Variants in C17orf107 observed in about 807,000 individuals in gnomAD.
C17orf107 encodes chromosome 17 open reading frame 107.
C17orf107 carries 9 observed loss-of-function variants against 8.9 expected under a neutral mutation model. The ratio of observed to expected loss-of-function variants is 1.02; its 90% confidence interval spans 0.61 to 1.77. The LOEUF is 1.77. Ranked by LOEUF, C17orf107 falls within the 40% of genes most tolerant of loss-of-function variation. C17orf107 has a pLI of 0.00. For synonymous variants in C17orf107, 139 were observed against 120.3 expected, an observed-to-expected ratio of 1.16 and a Z score of -1.02; for missense variants, 281 against 249.0, an observed-to-expected ratio of 1.13 and a Z score of -0.86.
downstream of C17orf107, among the ~76,000 whole-genome samples, chr17:4,904,530 G>A (rs763353969): frequency 1.3e-5 from 2 of 152,118 alleles, no homozygotes; most frequent in Non-Finnish European, 2.9e-5. Context: ...AGGTAGGAGG[G>A]GCTGGCCTAA....
chr17:4,904,810 G>T (rs1427082915), downstream of C17orf107, among the ~76,000 whole-genome samples: 2 of 152,154 alleles, frequency 1.3e-5, no homozygotes, highest in Non-Finnish European at 2.9e-5. Flanking sequence ...TACAAGCGAG[G>T]ACACATCAAA....
Position 4,901,758 on chromosome 17 carries a change from G to A in C17orf107, c.*1225G>A. 1 of 1,205,194 alleles carries A rather than the reference G, an allele frequency of 8.3e-7. No individual in the cohort carries two copies. Among genetic ancestry groups the A allele is most frequent in the Non-Finnish European group, 1.2e-6 (1 of 831,008 alleles). 74.7% of individuals were successfully genotyped at this position (1,205,194 alleles called of 1,614,324 possible). On this transcript the variant is annotated 3_prime_UTR_variant, in exon 3 of 3. Transcript: ENST00000381365. ...CCCTTCACCCAAGCCCAGCCCGCACGCCTCTGTTCCCATCTGTACCTCCGG... is the reference window on the plus strand; with the variant it reads ...CCCTTCACCCAAGCCCAGCCCGCACACCTCTGTTCCCATCTGTACCTCCGG...
Position 4,901,562 on chromosome 17 carries a change from G to A in C17orf107, c.*1029G>A. On this transcript the variant is annotated 3_prime_UTR_variant, in exon 3 of 3. Transcript: ENST00000381365. ...CTGTGTCGATGTCGATCTTGTTGATGGTCTTGCCGTCGTTGTCTACGGCAA... is the reference window on the plus strand; with the variant it reads ...CTGTGTCGATGTCGATCTTGTTGATAGTCTTGCCGTCGTTGTCTACGGCAA... 6.2e-7 allele frequency: 1 copy of A among 1,614,144 alleles called. No individual in the cohort carries two copies. Among genetic ancestry groups the A allele is most frequent in the Non-Finnish European group, 8.5e-7 (1 of 1,180,008 alleles).
In C17orf107 at chr17:4,901,436, T is replaced by G; in HGVS notation, c.*903T>G. Reference sequence around the variant, plus strand: ...CCCAGTTGTGGAAGTCATCCTCCAGTGTCGTTGGTCCGGGGCAAGCCCACC... The same window carrying G: ...CCCAGTTGTGGAAGTCATCCTCCAGGGTCGTTGGTCCGGGGCAAGCCCACC... On this transcript the variant is annotated 3_prime_UTR_variant, in exon 3 of 3. Coordinates refer to ENST00000381365, the MANE Select transcript of C17orf107 (RefSeq NM_001145536.2). The G allele has an allele frequency of 8.3e-7, 1 of 1,209,812 alleles. No homozygotes were observed. Among genetic ancestry groups the G allele is most frequent in the East Asian group, 2.3e-5 (1 of 42,906 alleles). 74.9% of individuals were successfully genotyped at this position (1,209,812 alleles called of 1,614,324 possible).
chr17:4,906,110 C>T (rs548532809), downstream of C17orf107, among the ~76,000 whole-genome samples: 10 of 152,300 alleles, frequency 6.6e-5, no homozygotes, highest in Admixed American at 6.5e-4. Flanking sequence ...TGGTCTTAGC[C>T]CCAGACCAAC....
chr17:4,901,706 C>T lies in C17orf107; in HGVS notation c.*1173C>T. 1.4e-6 allele frequency: 2 copies of T among 1,423,240 alleles called. No homozygotes were observed. The highest frequency in any genetic ancestry group is 2.0e-6 in the Non-Finnish European group (2 of 1,017,416). 88.2% of individuals were successfully genotyped at this position (1,423,240 alleles called of 1,614,324 possible). On this transcript the variant is annotated 3_prime_UTR_variant, in exon 3 of 3. Transcript: ENST00000381365. ...CAGGCCCAGCCCTGGAAGCTGGGAT[C>T]TAGCGGGGCCGCGATCCCAAGCCCA...
In C17orf107 at chr17:4,902,896, T is replaced by C. The variant is rs764157586; in HGVS notation, c.*2363T>C. ...CAGTATCTGTCTCCTAAACCAATTA[T>C]GCTGTGCCTGGGAACGAAATACTGT... is the stretch of plus-strand genomic sequence containing the variant. On this transcript the variant is annotated 3_prime_UTR_variant, in exon 3 of 3. Transcript: ENST00000381365. This position sits in a 1 kb window ranked among gnomAD's most constrained non-coding sequence, Gnocchi z 4.0. The C allele has an allele frequency of 5.1e-6, 8 of 1,582,126 alleles. No individual in the cohort carries two copies. Among genetic ancestry groups the C allele is most frequent in the East Asian group, 2.2e-5 (1 of 44,720 alleles).
chr17:4,901,664 G>T lies in C17orf107; in HGVS notation c.*1131G>T. 6.3e-7 allele frequency: 1 copy of T among 1,577,656 alleles called. No homozygotes were observed. Among genetic ancestry groups the T allele is most frequent in the Non-Finnish European group, 8.7e-7 (1 of 1,148,526 alleles). On this transcript the variant is annotated 3_prime_UTR_variant, in exon 3 of 3. Coordinates refer to ENST00000381365, the MANE Select transcript of C17orf107 (RefSeq NM_001145536.2). The stretch of plus-strand genomic sequence containing the variant: ...GCCGGGAGCCCACCCCAGAAGCTCT[G>T]ACCTGGGCCCCGGCCTCAGGCCCAG...
chr17:4,903,136 A>AG, downstream of C17orf107: 1 of 1,467,564 alleles, frequency 6.8e-7, no homozygotes, highest in East Asian at 2.3e-5. Flanking sequence ...TGCCTGTGTG[A>AG]GGGGGAGGAG....
rs1969981754 is a variant in C17orf107 at position 4,901,451 on chromosome 17, G to T, written c.*918G>T. Reference sequence around the variant, plus strand: ...CATCCTCCAGTGTCGTTGGTCCGGGGCAAGCCCACCGTGGAAGTCCCCTCT... The same window carrying T: ...CATCCTCCAGTGTCGTTGGTCCGGGTCAAGCCCACCGTGGAAGTCCCCTCT... On this transcript the variant is annotated 3_prime_UTR_variant, in exon 3 of 3. Transcript: ENST00000381365. The T allele has an allele frequency of 7.1e-7, 1 of 1,413,158 alleles. No individual in the cohort carries two copies. The highest frequency in any genetic ancestry group is 1.2e-5 in the South Asian group (1 of 86,702). 87.5% of individuals were successfully genotyped at this position (1,413,158 alleles called of 1,614,324 possible).
chr17:4,903,195 C>A (rs1383766213), downstream of C17orf107: 4 of 895,404 alleles, frequency 4.5e-6, no homozygotes, highest in Non-Finnish European at 7.2e-6. Context: ...CCTCTGCTCA[C>A]CCCTGCTGCA....
rs754315118 is a variant in C17orf107, at chr17:4,901,890, C to CCG, written c.*1358_*1359insGC. The CCG allele has an allele frequency of 4.4e-6, 7 of 1,605,324 alleles. No homozygotes were observed. Among genetic ancestry groups the CCG allele is most frequent in the South Asian group, 2.2e-5 (2 of 90,830 alleles). ...GTTGGCCCCGCCCCATAAGGCCCCC[C>CCG]CCCAACAATAATCGTCCGGGCCTCG... is the stretch of plus-strand genomic sequence containing the variant. On this transcript the variant is annotated 3_prime_UTR_variant, in exon 3 of 3. Transcript: ENST00000381365.
chr17:4,902,384 G>A lies in C17orf107; in HGVS notation c.*1851G>A. The A allele has an allele frequency of 6.2e-7, 1 of 1,613,726 alleles. No individual in the cohort carries two copies. The highest frequency in any genetic ancestry group is 8.5e-7 in the Non-Finnish European group (1 of 1,179,618). Reference sequence around the variant, plus strand: ...TGCATCTCCCACCTGGCGCTGCCTGGGAGGGGTTTGGGGGAAAAGGGGTGC... The same window carrying A: ...TGCATCTCCCACCTGGCGCTGCCTGAGAGGGGTTTGGGGGAAAAGGGGTGC... On this transcript the variant is annotated 3_prime_UTR_variant, in exon 3 of 3. Coordinates refer to ENST00000381365, the MANE Select transcript of C17orf107 (RefSeq NM_001145536.2). This position sits in a 1 kb window ranked among gnomAD's most constrained non-coding sequence, Gnocchi z 4.0.
At chr17:4,906,247 G>A (rs974558579), downstream of C17orf107, among the ~76,000 whole-genome samples, 1 of 152,098 alleles carries the variant, frequency 6.6e-6, no homozygotes, top group Non-Finnish European at 1.5e-5. Flanking sequence ...TGTTTAGGAT[G>A]GATAGTGGGT....
At chr17:4,906,002 C>T (rs540876832), downstream of C17orf107, among the ~76,000 whole-genome samples, 4 of 152,332 alleles carry the variant, frequency 2.6e-5, no homozygotes, top group Admixed American at 2.6e-4. Context: ...GCTCTCTGCT[C>T]CTCTCACTTC....
Position 4,899,708 on chromosome 17 carries a change from C to T in C17orf107, c.-55C>T. ...TTACGCCCTCCAGCTGCGCCCCCTA[C>T]ACGACGACAGACGCGTCCCCCAGCC... On this transcript the variant is annotated 5_prime_UTR_variant, in exon 1 of 3. Coordinates refer to ENST00000381365, the MANE Select transcript of C17orf107 (RefSeq NM_001145536.2). 6.6e-7 allele frequency: 1 copy of T among 1,509,938 alleles called. No individual in the cohort carries two copies. Among genetic ancestry groups the T allele is most frequent in the South Asian group, 1.2e-5 (1 of 83,238 alleles). 93.5% of individuals were successfully genotyped at this position (1,509,938 alleles called of 1,614,324 possible). A position where few individuals can be genotyped will look rare whatever the true frequency, so the allele number is the denominator to read the frequency against.
chr17:4,902,368 C>T lies in C17orf107; in HGVS notation c.*1835C>T, dbSNP rs748328148. On this transcript the variant is annotated 3_prime_UTR_variant, in exon 3 of 3. Transcript: ENST00000381365. This position sits in a 1 kb window ranked among gnomAD's most constrained non-coding sequence, Gnocchi z 4.0. ...GGAAGGCCGCGTGCCCTGCATCTCC[C>T]ACCTGGCGCTGCCTGGGAGGGGTTT... 8.1e-6 allele frequency: 13 copies of T among 1,613,388 alleles called. No individual in the cohort carries two copies. The Admixed American group carries it at 2.0e-4, about 25-fold the overall frequency.
chr17:4,905,528 C>G (rs1340437646), downstream of C17orf107, among the ~76,000 whole-genome samples: 2 of 152,110 alleles, frequency 1.3e-5, no homozygotes, highest in Non-Finnish European at 2.9e-5. Flanking sequence ...TCACACTACA[C>G]TCCAGCCTGG....
rs1367504633 is a variant in C17orf107, at chr17:4,901,382, G to T, written c.*849G>T. 3 of 962,948 alleles carry T rather than the reference G, an allele frequency of 3.1e-6. No individual in the cohort carries two copies. The East Asian group carries it at 7.6e-5, about 24-fold the overall frequency. 59.7% of individuals were successfully genotyped at this position (962,948 alleles called of 1,614,324 possible). On this transcript the variant is annotated 3_prime_UTR_variant, in exon 3 of 3. Transcript: ENST00000381365. ...AAGGCAGGACTAGAGTAACAATCGAGAATGATTTCAGGACAGGGGTAAGCT... is the reference window on the plus strand; with the variant it reads ...AAGGCAGGACTAGAGTAACAATCGATAATGATTTCAGGACAGGGGTAAGCT...
Sources: allele counts gnomAD v4.1 joint callset (sites outside exome capture counted in the v4.1 genomes callset), GRCh38; gene constraint gnomAD v4.1.1; non-coding constraint Gnocchi (gnomAD v3.1); transcripts MANE v1.5; gene names NCBI Gene and HGNC (gene_info 2026-07-23, HGNC 2026-07-21).